Variants in ZNF292 observed in about 807,000 individuals in gnomAD.
ZNF292 encodes 16 zinc-finger domain protein.
In ZNF292, 26 loss-of-function variants were observed where a neutral mutation model predicts 217.9. The observed-to-expected ratio is 0.12, with a 90% CI of 0.09 to 0.17. ZNF292 has a LOEUF of 0.17. Among genes scored for constraint, ZNF292 ranks in the 10% least tolerant of loss-of-function variants. ZNF292 has a pLI of 1.00. For synonymous variants in ZNF292, 1,257 were observed against 1,124.1 expected, an observed-to-expected ratio of 1.12 and a Z score of -2.37; for missense variants, 2,904 against 3,175.2, an observed-to-expected ratio of 0.91 and a Z score of 2.05.
At chr6:87,250,374 A>T (rs1214953849) in intron 7 of ZNF292, among the ~76,000 whole-genome samples, 2 of 152,064 alleles carry the variant, frequency 1.3e-5, no homozygotes, top group Non-Finnish European at 2.9e-5. Flanking sequence ...AATTGCAGTG[A>T]GCCAAGATCA....
intron 1 of ZNF292, among the ~76,000 whole-genome samples, chr6:87,195,246 C>T (rs185173871): frequency 9.9e-5 from 15 of 152,178 alleles, no homozygotes; most frequent in African/African-American, 3.1e-4. Flanking sequence ...TTTGCCTTTT[C>T]GCATTTTAGA....
intron 1 of ZNF292, among the ~76,000 whole-genome samples, chr6:87,163,487 A>C (rs187583798): frequency 6.6e-6 from 1 of 152,052 alleles, no homozygotes; most frequent in East Asian, 1.9e-4. Flanking sequence ...CATACATTTT[A>C]GTTACATATA....
At position 87,261,655 on chromosome 6, in the gene ZNF292, G is replaced by T. The variant is rs556062202; in HGVS notation, c.8026G>T (p.Asp2676Tyr). Residue 2676 changes from aspartate (D) to tyrosine (Y), a missense_variant, in exon 8 of 8, where the codon GAT becomes TAT. Asp to Tyr is a radical substitution (Grantham distance 160). Coordinates refer to ENST00000369577, the MANE Select transcript of ZNF292 (RefSeq NM_015021.3). ...AATTGTTTTAGACAAGAATCTTAAA[G>T]ATTGCACTGAGCTTGTCTTAAAGCA... ...VKIVLDKNLK[D>Y]CTELVLKQLQ... 1 of 1,612,386 alleles carries T rather than the reference G, an allele frequency of 6.2e-7. No homozygotes were observed. Among genetic ancestry groups the T allele is most frequent in the South Asian group, 1.1e-5 (1 of 90,940 alleles).
Position 87,245,527 on chromosome 6 carries a change from AT to A in ZNF292, c.905del (p.Leu302TyrfsTer5). The A allele has an allele frequency of 6.5e-7, 1 of 1,529,342 alleles. No individual in the cohort carries two copies. The highest frequency in any genetic ancestry group is 8.7e-7 in the Non-Finnish European group (1 of 1,142,992). 94.7% of individuals were successfully genotyped at this position (1,529,342 alleles called of 1,614,324 possible). A position where few individuals can be genotyped will look rare whatever the true frequency, so the allele number is the denominator to read the frequency against. ...AWELTLFWSK[L>X]QQRVEPSIQV... Reference sequence around the variant, plus strand: ...GGGAACTTACTCTCTTTTGGAGTAAATTACAACAAAGAGTAGAACCATCTAT... The same window carrying A: ...GGGAACTTACTCTCTTTTGGAGTAAATACAACAAAGAGTAGAACCATCTAT... On this transcript the variant is annotated frameshift_variant, in exon 7 of 8. Transcript: ENST00000369577. LOFTEE classifies it high-confidence loss of function.
rs533126908 is a variant in ZNF292 at position 87,246,756 on chromosome 6, T to C, written c.1020+1112T>C. Among the ~76,000 whole-genome samples, 307 of 152,220 alleles carry C rather than the reference T, an allele frequency of 2.0e-3. 1 individual carries two copies. Among genetic ancestry groups the C allele is most frequent in the African/African-American group, 7.1e-3 (294 of 41,550 alleles). Reference sequence around the variant, plus strand: ...GATGGCGCCTGCCTGTAGTCCCTGCTGAGGTGGGAGGATGGCTTGAACCTC... The same window carrying C: ...GATGGCGCCTGCCTGTAGTCCCTGCCGAGGTGGGAGGATGGCTTGAACCTC... On this transcript the variant is annotated intron_variant, in intron 7 of 7. Coordinates refer to ENST00000369577, the MANE Select transcript of ZNF292 (RefSeq NM_015021.3).
intron 1 of ZNF292, among the ~76,000 whole-genome samples, chr6:87,166,769 T>C (rs776143465): frequency 3.3e-5 from 5 of 152,250 alleles, no homozygotes; most frequent in Non-Finnish European, 5.9e-5. Flanking sequence ...GTCATAAATA[T>C]GTATGCATTT....
intron 7 of ZNF292, among the ~76,000 whole-genome samples, chr6:87,253,226 T>C (rs1775025025): frequency 2.7e-5 from 1 of 36,754 alleles, no homozygotes; most frequent in Non-Finnish European, 5.4e-5. Context: ...CAGCCTTTTT[T>C]TTTTTTTTTT....
At chr6:87,248,056 A>T (rs561188676) in intron 7 of ZNF292, among the ~76,000 whole-genome samples, 1 of 152,366 alleles carries the variant, frequency 6.6e-6, no homozygotes, top group Admixed American at 6.5e-5. Context: ...TGATTTTCTT[A>T]TAGTAACCTT....
chr6:87,227,825 GTTTA>G (rs1401415747), intron 4 of ZNF292, among the ~76,000 whole-genome samples: 8 of 152,008 alleles, frequency 5.3e-5, no homozygotes, highest in Non-Finnish European at 5.9e-5. Flanking sequence ...ACCACATTTT[GTTTA>G]TTTATTTATC....
rs546776588 is a variant in ZNF292 at position 87,193,646 on chromosome 6, C to T, written c.169-22257C>T. On this transcript the variant is annotated intron_variant, in intron 1 of 7. Coordinates refer to ENST00000369577, the MANE Select transcript of ZNF292 (RefSeq NM_015021.3). Reference sequence around the variant, plus strand: ...AATGTATCTTTTCTGCACGTGCATACTCAGATTCCCACACAAGCACGCCCT... The same window carrying T: ...AATGTATCTTTTCTGCACGTGCATATTCAGATTCCCACACAAGCACGCCCT... Among the ~76,000 whole-genome samples, 3 of 152,268 alleles carry T rather than the reference C, an allele frequency of 2.0e-5. No individual in the cohort carries two copies. The South Asian group carries it at 6.2e-4, about 32-fold the overall frequency.
Position 87,257,940 on chromosome 6 carries a change from A to G in ZNF292, c.4311A>G (p.Pro1437=). Residue 1437 remains proline, a synonymous_variant, in exon 8 of 8, where the codon CCA becomes CCG. Transcript: ENST00000369577. Reference sequence around the variant, plus strand: ...CAAATGCAGTAAATTTGCAGCAGCCACAACAATCTACCTTCAATCCAGAAG... The same window carrying G: ...CAAATGCAGTAAATTTGCAGCAGCCGCAACAATCTACCTTCAATCCAGAAG... ...LSTNAVNLQQ[P]QQSTFNPEAC... is the part of the protein sequence containing the mutation. 2 of 1,613,952 alleles carry G rather than the reference A, an allele frequency of 1.2e-6. No individual in the cohort carries two copies. The highest frequency in any genetic ancestry group is 1.7e-6 in the Non-Finnish European group (2 of 1,179,834).
chr6:87,185,634 ATTTC>A (rs1288395404), intron 1 of ZNF292, among the ~76,000 whole-genome samples: 2 of 151,848 alleles, frequency 1.3e-5, no homozygotes, highest in Non-Finnish European at 2.9e-5. Context: ...CACCCAACTA[ATTTC>A]TTGTATTTTT....
intron 1 of ZNF292, among the ~76,000 whole-genome samples, chr6:87,171,615 C>A (rs1393775059): frequency 1.3e-5 from 2 of 152,048 alleles, no homozygotes; most frequent in Non-Finnish European, 2.9e-5. Context: ...GTTATTTAAT[C>A]CACTATACCA....
chr6:87,241,983 G>A (rs778685317), intron 5 of ZNF292, among the ~76,000 whole-genome samples: 19 of 152,268 alleles, frequency 1.2e-4, no homozygotes, highest in African/African-American at 3.4e-4. Flanking sequence ...TAGGATGGGC[G>A]TGTTGGGATG....
intron 1 of ZNF292, among the ~76,000 whole-genome samples, chr6:87,174,539 T>C (rs1476009670): frequency 1.3e-5 from 2 of 152,154 alleles, no homozygotes; most frequent in African/African-American, 4.8e-5. Context: ...TCTGACAGTA[T>C]TTTCTTCCTA....
Position 87,258,415 on chromosome 6 carries a change from T to C in ZNF292, c.4786T>C (p.Ser1596Pro), listed in dbSNP as rs1038952281. The C allele has an allele frequency of 1.9e-6, 3 of 1,613,690 alleles. No individual in the cohort carries two copies. Among genetic ancestry groups the C allele is most frequent in the South Asian group, 2.2e-5 (2 of 91,054 alleles). ...SSSFPNSGGP[S>P]QNFTSNSSRV... is the part of the protein sequence containing the mutation. ...TTCATTTCCTAATTCTGGTGGGCCA[T>C]CACAAAATTTTACCAGTAACAGTTC... The change falls in exon 8 of 8, where the codon TCA (serine) becomes CCA (proline). Residue 1596 changes from serine (S) to proline (P), a missense_variant. Around this residue, in one of 15 missense-constraint regions of ZNF292, gnomAD observed 622 missense variants for 573.1 expected, o/e 1.09. Coordinates refer to ENST00000369577, the MANE Select transcript of ZNF292 (RefSeq NM_015021.3).
chr6:87,241,373 T>A (rs1774275722), intron 5 of ZNF292, among the ~76,000 whole-genome samples: 1 of 151,678 alleles, frequency 6.6e-6, no homozygotes, highest in African/African-American at 2.4e-5. Flanking sequence ...TTGTTTAACG[T>A]AATTTTGAAT....
intron 1 of ZNF292, among the ~76,000 whole-genome samples, chr6:87,163,344 A>T (rs976724331): frequency 5.3e-5 from 8 of 151,918 alleles, no homozygotes; most frequent in Non-Finnish European, 1.0e-4. Context: ...CCAGCTACTC[A>T]GGAGGCTGAG....
chr6:87,257,171 C>G lies in ZNF292; in HGVS notation c.3542C>G (p.Ser1181Trp). 1 of 1,613,848 alleles carries G rather than the reference C, an allele frequency of 6.2e-7. No homozygotes were observed. Among genetic ancestry groups the G allele is most frequent in the African/African-American group, 1.3e-5 (1 of 75,044 alleles). ...QTKANGNPAC[S>W]AQLQHVSPPI... ...AAAGCCAATGGGAATCCTGCTTGTT[C>G]GGCCCAGTTGCAGCATGTCTCGCCA... The change falls in exon 8 of 8, where the codon TCG becomes TGG. Residue 1181 changes from serine to tryptophan, a missense_variant. Ser to Trp is a radical substitution (Grantham distance 177, BLOSUM62 -3). Transcript: ENST00000369577.
Sources: gnomAD v4.1 joint callset for allele counts (sites outside exome capture counted in the v4.1 genomes callset) on GRCh38, gnomAD v4.1.1 for gene constraint, gnomAD v4.1.1 regional missense constraint, MANE v1.5 for transcripts, NCBI Gene and HGNC (gene_info 2026-07-23, HGNC 2026-07-21) for gene names.